Variants in PGM3 observed in about 807,000 individuals in gnomAD.
PGM3 encodes phosphoglucomutase 3, also known as phosphoacetylglucosamine mutase.
In PGM3, 40 loss-of-function variants were observed where a neutral mutation model predicts 66.2. The observed-to-expected ratio is 0.60, with a 90% confidence interval of 0.47 to 0.79. The LOEUF (loss-of-function observed/expected upper bound fraction) is 0.79, where lower values mean the gene tolerates loss of function less well. Among genes scored for constraint, PGM3 ranks in the 30% least tolerant of loss-of-function variants. The pLI, the probability that PGM3 is intolerant of heterozygous loss-of-function variation, is 0.00. For synonymous variants in PGM3, 191 were observed against 224.2 expected, an observed-to-expected ratio of 0.85 and a Z score of 1.32; for missense variants, 537 against 643.4, an observed-to-expected ratio of 0.83 and a Z score of 1.79.
chr6:83,163,091 G>C (rs1226314326), downstream of PGM3, among the ~76,000 whole-genome samples: 1 of 152,070 alleles, frequency 6.6e-6, no homozygotes, highest in Admixed American at 6.6e-5. Context: ...CCAGACATTA[G>C]AAAACATATC....
chr6:83,178,641 GA>G (rs1446514059), intron 8 of PGM3, 31 bp downstream of exon 8: 1 of 1,210,052 alleles, frequency 8.3e-7, no homozygotes. Flanking sequence ...TCTTAATTAA[GA>G]AACTACCAGA....
the PGM3 span, chr6:83,153,515 T>A: frequency 6.3e-7 from 1 of 1,596,350 alleles, no homozygotes; most frequent in Non-Finnish European, 8.5e-7. Flanking sequence ...TCATAGGTTT[T>A]GGCTCATCTT....
chr6:83,183,401 G>A (rs773504290), intron 4 of PGM3, among the ~76,000 whole-genome samples: 2 of 152,134 alleles, frequency 1.3e-5, no homozygotes, highest in East Asian at 1.9e-4. Flanking sequence ...AAGCTAGTTC[G>A]GAAGCCAGTT....
chr6:83,159,136 G>A (rs969442134), downstream of PGM3, among the ~76,000 whole-genome samples: 2 of 152,050 alleles, frequency 1.3e-5, no homozygotes, highest in African/African-American at 4.8e-5. Context: ...TTCTTCTTCA[G>A]TAGTAGATTT....
intron 3 of PGM3, 76 bp downstream of exon 3, chr6:83,188,538 T>C (rs1788775722): frequency 2.5e-6 from 3 of 1,200,254 alleles, no homozygotes; most frequent in Non-Finnish European, 3.6e-6. Context: ...TCCATTTGTC[T>C]TGGATTAAAA....
chr6:83,173,986 T>C (rs1055099722), intron 10 of PGM3, among the ~76,000 whole-genome samples: 5 of 152,002 alleles, frequency 3.3e-5, no homozygotes, highest in African/African-American at 9.7e-5. Context: ...TCCGCCCTCC[T>C]TGGCCTCCCA....
chr6:83,187,846 C>T (rs474075), intron 3 of PGM3, among the ~76,000 whole-genome samples: 94,922 of 152,068 alleles, frequency 0.62, 31,214 homozygotes, highest in African/African-American at 0.84. Context: ...TAGGAAAAAA[C>T]GTTTCATCAC....
downstream of PGM3, chr6:83,157,146 T>G (rs1782986246): frequency 6.2e-7 from 1 of 1,600,776 alleles, no homozygotes; most frequent in Admixed American, 1.8e-5. Context: ...TGATAAAGAT[T>G]ATTTAGTTAT....
chr6:83,174,428 A>T lies in PGM3; in HGVS notation c.1188T>A (p.Asp396Glu), dbSNP rs1787597946. 11 of 1,609,646 alleles carry T rather than the reference A, an allele frequency of 6.8e-6. No individual in the cohort carries two copies. Among genetic ancestry groups the T allele is most frequent in the African/African-American group, 1.3e-5 (1 of 74,804 alleles). Reference protein sequence around the residue: ...KIKQSAEQLEDKKRKAAKMLE... With the variant: ...KIKQSAEQLEEKKRKAAKMLE... ...GCATCTTAGCAGCTTTTCTTTTCTT[A>T]TCTTCCAGTTGTTCTGCTGATTGTT... Residue 396 changes from aspartate to glutamate, a missense_variant, in exon 10 of 13, where the codon GAT (aspartate) becomes GAA (glutamate). Transcript: ENST00000513973.
At chr6:83,156,479 G>A (rs915160555), downstream of PGM3, among the ~76,000 whole-genome samples, 1 of 152,190 alleles carries the variant, frequency 6.6e-6, no homozygotes, top group East Asian at 1.9e-4. Flanking sequence ...GTGGCTAGAA[G>A]TAACACCTGG....
At position 83,174,525 on chromosome 6, in the gene PGM3, A is replaced by G. The variant is rs1787606261; in HGVS notation, c.1129-38T>C. ...AATATAAAATCAGTCTCAAAACACT[A>G]TCCAAAACCTAGTCATAAGTACTAT... On this transcript the variant is annotated intron_variant, in intron 9 of 12. Transcript: ENST00000513973. 9.1e-6 allele frequency: 10 copies of G among 1,097,046 alleles called. No homozygotes were observed. The East Asian group carries it at 2.3e-4, about 25-fold the overall frequency. The allele number at this position is 1,097,046 out of a possible 1,614,324, so 68.0% of individuals were successfully genotyped here. A position where few individuals can be genotyped will look rare whatever the true frequency, so the allele number is the denominator to read the frequency against.
chr6:83,148,886 A>C, the PGM3 span: 1 of 1,354,744 alleles, frequency 7.4e-7, no homozygotes, highest in Non-Finnish European at 1.0e-6. Flanking sequence ...ACTTAATATT[A>C]TTTCAAATAA....
chr6:83,149,227 A>T, the PGM3 span, among the ~76,000 whole-genome samples: 82 of 152,294 alleles, frequency 5.4e-4, no homozygotes, highest in Admixed American at 1.1e-3. Context: ...CCCAAACCTA[A>T]ACAGCCTGGG....
At chr6:83,161,650 T>C (rs1357891981), downstream of PGM3, among the ~76,000 whole-genome samples, 1 of 152,212 alleles carries the variant, frequency 6.6e-6, no homozygotes, top group African/African-American at 2.4e-5. Flanking sequence ...ATTAAAATTA[T>C]AGATAACCAT....
At position 83,166,730 on chromosome 6, in the gene PGM3, T is replaced by C; in HGVS notation, c.*2504A>G. ...TTTACTTTAAAATAAGCAATAAGCT[T>C]GAGAGCACATAGAAGAAAATAAGCT... On this transcript the variant is annotated 3_prime_UTR_variant, in exon 13 of 13. Coordinates refer to ENST00000513973, the MANE Select transcript of PGM3 (RefSeq NM_015599.3). The C allele has an allele frequency of 1.7e-6, 2 of 1,173,804 alleles. No homozygotes were observed. The highest frequency in any genetic ancestry group is 2.1e-6 in the Non-Finnish European group (2 of 951,426). 72.7% of individuals were successfully genotyped at this position (1,173,804 alleles called of 1,614,324 possible).
chr6:83,153,644 T>C, the PGM3 span: 2 of 1,525,676 alleles, frequency 1.3e-6, no homozygotes, highest in South Asian at 2.5e-5. Context: ...TTAAATAGTT[T>C]TTAAAATTAA....
chr6:83,178,004 C>T (rs896808759), intron 8 of PGM3, among the ~76,000 whole-genome samples: 1 of 152,186 alleles, frequency 6.6e-6, no homozygotes, highest in Non-Finnish European at 1.5e-5. Context: ...CTTTCTCCTA[C>T]CACTGCAAAA....
At chr6:83,154,464 C>T in the PGM3 span, among the ~76,000 whole-genome samples, 33 of 152,268 alleles carry the variant, frequency 2.2e-4, no homozygotes, top group East Asian at 6.4e-3. Flanking sequence ...ATAAGTAAAA[C>T]TATTTGTCCT....
At chr6:83,186,971 A>G in intron 4 of PGM3, 37 bp downstream of exon 4, 1 of 1,151,722 alleles carries the variant, frequency 8.7e-7, no homozygotes, top group Non-Finnish European at 1.3e-6. Context: ...AGTTTTTTAA[A>G]TATTAGTTTA....
Sources: allele counts gnomAD v4.1 joint callset (sites outside exome capture counted in the v4.1 genomes callset), GRCh38; gene constraint gnomAD v4.1.1; transcripts MANE v1.5; gene names NCBI Gene and HGNC (gene_info 2026-07-23, HGNC 2026-07-21).